The following TP63 variants were observed in gnomAD, a reference collection of about 807,000 sequenced individuals.
TP63 encodes tumor protein 63.
Under a neutral mutation model 82.8 loss-of-function variants are expected in TP63, and 17 were observed. The observed-to-expected ratio is 0.21, with a 90% CI of 0.14 to 0.31. The LOEUF is 0.31. Ranked by LOEUF, TP63 falls within the 10% of genes least tolerant of loss-of-function variation. The pLI, the probability that TP63 is intolerant of heterozygous loss-of-function variation, is 1.00. For synonymous variants in TP63, 330 were observed against 321.7 expected, an observed-to-expected ratio of 1.03 and a Z score of -0.28; for missense variants, 648 against 895.3, an observed-to-expected ratio of 0.72 and a Z score of 3.52.
intron 4 of TP63, among the ~76,000 whole-genome samples, chr3:189,829,118 C>G (rs1711896534): frequency 6.6e-6 from 1 of 152,088 alleles, no homozygotes; most frequent in Middle Eastern, 3.2e-3. Context: ...TTTATTTTTA[C>G]TGGTACCCAA....
At chr3:189,745,368 A>G (rs1208002354) in intron 3 of TP63, among the ~76,000 whole-genome samples, 3 of 152,220 alleles carry the variant, frequency 2.0e-5, no homozygotes, top group African/African-American at 7.2e-5. Context: ...CAGAAAGATA[A>G]TTCAGGATAT....
intron 1 of TP63, among the ~76,000 whole-genome samples, chr3:189,656,804 T>C (rs1713410625): frequency 6.6e-6 from 1 of 152,080 alleles, no homozygotes; most frequent in African/African-American, 2.4e-5. Flanking sequence ...TAAATGTGTA[T>C]GCACCTAACA....
chr3:189,638,432 G>A (rs4396880), intron 1 of TP63, among the ~76,000 whole-genome samples: 51,660 of 151,910 alleles, frequency 0.34, 9,128 homozygotes, highest in Non-Finnish European at 0.38. Flanking sequence ...AAGCTAGCCC[G>A]GGGACTGCAG....
intron 1 of TP63, among the ~76,000 whole-genome samples, chr3:189,714,925 A>G (rs751400810): frequency 6.6e-6 from 1 of 152,204 alleles, no homozygotes. Context: ...GAGAAACAGT[A>G]CTGTACGTTC....
chr3:189,839,997 T>TGGAATAA lies in TP63; in HGVS notation c.580-24234_580-24228dup, dbSNP rs1194880625. Among the ~76,000 whole-genome samples, 5 of 152,298 alleles carry TGGAATAA rather than the reference T, an allele frequency of 3.3e-5. No individual in the cohort carries two copies. The South Asian group carries it at 1.0e-3, about 32-fold the overall frequency. On this transcript the variant is annotated intron_variant, in intron 4 of 13. Transcript: ENST00000264731. ...AGTTTCAATTTACTTAACTGGCAAATGGAATAACAATGTCTACTTCACAGC... is the reference window on the plus strand; with the variant it reads ...AGTTTCAATTTACTTAACTGGCAAATGGAATAAGGAATAACAATGTCTACTTCACAGC...
intron 1 of TP63, among the ~76,000 whole-genome samples, chr3:189,656,999 GA>G (rs1332036133): frequency 7.6e-6 from 1 of 131,922 alleles, no homozygotes; most frequent in East Asian, 2.2e-4. Context: ...GCAAAAAAAA[GA>G]AAAAATATTA....
chr3:189,624,602 C>T, the TP63 span, among the ~76,000 whole-genome samples: 1 of 152,076 alleles, frequency 6.6e-6, no homozygotes, highest in Non-Finnish European at 1.5e-5. Flanking sequence ...CCTACAGACA[C>T]AAGAATAGTG....
chr3:189,723,575 T>G (rs11715334), intron 1 of TP63, among the ~76,000 whole-genome samples: 80,082 of 151,958 alleles, frequency 0.53, 21,320 homozygotes, highest in Middle Eastern at 0.66. Context: ...CCATATACTG[T>G]GCTAATCTGT....
At chr3:189,755,474 T>A (rs1001233383) in intron 3 of TP63, among the ~76,000 whole-genome samples, 1 of 152,146 alleles carries the variant, frequency 6.6e-6, no homozygotes, top group Non-Finnish European at 1.5e-5. Context: ...CTAAATGTTA[T>A]AATATACTTC....
chr3:189,811,413 C>T lies in TP63; in HGVS notation c.579+2887C>T, dbSNP rs1727557802. On this transcript the variant is annotated intron_variant, in intron 4 of 13. Coordinates refer to ENST00000264731, the MANE Select transcript of TP63 (RefSeq NM_003722.5). Reference sequence around the variant, plus strand: ...AATTTTACAATCAGGTTTCTACTCACATATCACATGGTAATTATATTTTTA... The same window carrying T: ...AATTTTACAATCAGGTTTCTACTCATATATCACATGGTAATTATATTTTTA... Among the ~76,000 whole-genome samples the T allele has an allele frequency of 2.0e-5, 3 of 152,306 alleles. No individual in the cohort carries two copies. In the South Asian group the frequency reaches 6.2e-4, roughly 32 times the overall value.
At chr3:189,876,249 A>G (rs535133130) in intron 10 of TP63, among the ~76,000 whole-genome samples, 11 of 152,324 alleles carry the variant, frequency 7.2e-5, no homozygotes, top group African/African-American at 2.4e-4. Context: ...TCAGGGGCAT[A>G]TGCTAAATGT....
intron 4 of TP63, among the ~76,000 whole-genome samples, chr3:189,851,145 A>T (rs1196996021): frequency 2.6e-5 from 4 of 152,220 alleles, no homozygotes; most frequent in Admixed American, 2.6e-4. Flanking sequence ...ACCTTAAGAG[A>T]TGTGAACTAT....
the TP63 span, among the ~76,000 whole-genome samples, chr3:189,602,534 C>G: frequency 3.3e-5 from 5 of 152,182 alleles, no homozygotes; most frequent in African/African-American, 9.7e-5. Flanking sequence ...ATGCATTTTA[C>G]ATCTATAATT....
At chr3:189,780,618 G>A (rs1203696260) in intron 3 of TP63, among the ~76,000 whole-genome samples, 2 of 152,034 alleles carry the variant, frequency 1.3e-5, no homozygotes, top group Admixed American at 6.6e-5. Context: ...TATTGTTTTG[G>A]ACCAAGATCT....
chr3:189,758,018 T>C (rs567463316), intron 3 of TP63, among the ~76,000 whole-genome samples: 3 of 152,264 alleles, frequency 2.0e-5, no homozygotes, highest in African/African-American at 7.2e-5. Flanking sequence ...ACTAGTAAAG[T>C]GAGAACACCT....
intron 1 of TP63, among the ~76,000 whole-genome samples, chr3:189,726,980 A>G (rs1320539582): frequency 2.0e-5 from 3 of 152,234 alleles, no homozygotes; most frequent in African/African-American, 7.2e-5. Flanking sequence ...AAAAGCAGCC[A>G]TATACCAACA....
intron 10 of TP63, among the ~76,000 whole-genome samples, chr3:189,883,723 G>A (rs1305417307): frequency 6.6e-5 from 10 of 152,200 alleles, no homozygotes; most frequent in African/African-American, 2.4e-4. Context: ...ACAACATCCT[G>A]CGTCACTAAG....
intron 1 of TP63, among the ~76,000 whole-genome samples, chr3:189,690,245 G>A (rs1328404138): frequency 1.3e-5 from 2 of 152,170 alleles, no homozygotes; most frequent in African/African-American, 4.8e-5. Flanking sequence ...CAAACAATCT[G>A]TAGAGTAAGT....
intron 1 of TP63, among the ~76,000 whole-genome samples, chr3:189,718,597 A>G (rs1465126856): frequency 6.6e-6 from 1 of 151,358 alleles, no homozygotes; most frequent in Non-Finnish European, 1.5e-5. Context: ...GGGGAGAGAG[A>G]GCCAAACCAT....
Sources: allele counts gnomAD v4.1 joint callset (sites outside exome capture counted in the v4.1 genomes callset), GRCh38; gene constraint gnomAD v4.1.1; transcripts MANE v1.5; gene names NCBI Gene and HGNC (gene_info 2026-07-23, HGNC 2026-07-21).